The following PPARGC1A variants were observed in gnomAD, a reference collection of about 807,000 sequenced individuals.
The protein encoded by PPARGC1A is PPARG coactivator 1 alpha.
PPARGC1A carries 25 observed loss-of-function variants against 88.7 expected under a neutral mutation model. The observed-to-expected ratio is 0.28, with a 90% CI of 0.21 to 0.39. The LOEUF (loss-of-function observed/expected upper bound fraction) is 0.39. PPARGC1A is among the 10% of genes least tolerant of loss of function. PPARGC1A has a pLI of 1.00. For synonymous variants in PPARGC1A, 363 were observed against 355.6 expected (o/e 1.02, Z -0.24); for missense variants, 880 against 968.7 (o/e 0.91, Z 1.22).
the PPARGC1A span, among the ~76,000 whole-genome samples, chr4:24,120,554 T>C: frequency 1.3e-5 from 2 of 152,190 alleles, no homozygotes; most frequent in Admixed American, 1.3e-4. Flanking sequence ...GTAAGTAACT[T>C]GCAATAGATC....
the PPARGC1A span, among the ~76,000 whole-genome samples, chr4:23,913,918 G>A: frequency 1.3e-5 from 2 of 152,244 alleles, no homozygotes; most frequent in South Asian, 2.1e-4. Flanking sequence ...ACCTCAGGAC[G>A]GTGAAGATGA....
At chr4:23,800,250 A>G (rs1426028055) in intron 12 of PPARGC1A, among the ~76,000 whole-genome samples, 3 of 152,168 alleles carry the variant, frequency 2.0e-5, no homozygotes, top group African/African-American at 4.8e-5. Context: ...TAAATATTAC[A>G]AATAAATTTA....
At chr4:23,974,373 T>C in the PPARGC1A span, among the ~76,000 whole-genome samples, 4 of 152,224 alleles carry the variant, frequency 2.6e-5, no homozygotes, top group East Asian at 5.8e-4. Flanking sequence ...ATTGTACTAA[T>C]TCTTTGCACG....
chr4:24,383,717 T>C, the PPARGC1A span, among the ~76,000 whole-genome samples: 9 of 152,144 alleles, frequency 5.9e-5, no homozygotes, highest in Admixed American at 3.9e-4. Context: ...CCAAGAAATA[T>C]GGGACTATGT....
chr4:24,065,945 C>T, the PPARGC1A span, among the ~76,000 whole-genome samples: 85 of 152,276 alleles, frequency 5.6e-4, no homozygotes, highest in Admixed American at 1.5e-3. Flanking sequence ...TCAGAAGCTC[C>T]GGCAGGCAAC....
chr4:24,186,205 C>A, the PPARGC1A span, among the ~76,000 whole-genome samples: 1 of 151,926 alleles, frequency 6.6e-6, no homozygotes, highest in African/African-American at 2.4e-5. Flanking sequence ...TGACAAAGAG[C>A]AAGAGAGAGA....
At chr4:24,382,622 T>A in the PPARGC1A span, among the ~76,000 whole-genome samples, 1 of 152,226 alleles carries the variant, frequency 6.6e-6, no homozygotes, top group Non-Finnish European at 1.5e-5. Context: ...AATGTAGTTA[T>A]CCATTTGCAA....
the PPARGC1A span, among the ~76,000 whole-genome samples, chr4:24,342,305 G>A: frequency 6.6e-5 from 10 of 152,090 alleles, no homozygotes; most frequent in East Asian, 3.9e-4. Context: ...AGAAGCATAC[G>A]TATATGTGTG....
At chr4:24,190,177 A>T in the PPARGC1A span, among the ~76,000 whole-genome samples, 38 of 152,136 alleles carry the variant, frequency 2.5e-4, 1 homozygote, top group African/African-American at 8.4e-4. Flanking sequence ...GTGGCTCCCA[A>T]CTCCACCCAT....
the PPARGC1A span, among the ~76,000 whole-genome samples, chr4:23,990,923 C>T: frequency 6.6e-6 from 1 of 151,966 alleles, no homozygotes; most frequent in Non-Finnish European, 1.5e-5. Context: ...AAACTGTTCT[C>T]CAAAGCACTG....
At chr4:24,083,906 A>G in the PPARGC1A span, among the ~76,000 whole-genome samples, 1 of 152,194 alleles carries the variant, frequency 6.6e-6, no homozygotes, top group African/African-American at 2.4e-5. Flanking sequence ...GGCCATAGCT[A>G]AGTGTCAATC....
At chr4:23,797,943 C>A (rs992278690) in intron 12 of PPARGC1A, among the ~76,000 whole-genome samples, 1 of 151,974 alleles carries the variant, frequency 6.6e-6, no homozygotes, top group Admixed American at 6.6e-5. Context: ...GATGACATTC[C>A]ACAACGAAAG....
chr4:24,120,848 T>C, the PPARGC1A span, among the ~76,000 whole-genome samples: 1 of 152,192 alleles, frequency 6.6e-6, no homozygotes, highest in Non-Finnish European at 1.5e-5. Flanking sequence ...AATCTTGGAC[T>C]TCCCAGCCTC....
At chr4:24,255,857 T>A in the PPARGC1A span, among the ~76,000 whole-genome samples, 1 of 152,210 alleles carries the variant, frequency 6.6e-6, no homozygotes, top group South Asian at 2.1e-4. Flanking sequence ...TTTGTAGTGA[T>A]AAAATTGGGA....
chr4:24,448,361 G>A, the PPARGC1A span, among the ~76,000 whole-genome samples: 1 of 152,140 alleles, frequency 6.6e-6, no homozygotes, highest in South Asian at 2.1e-4. Flanking sequence ...TTTAGTCCCT[G>A]CCCTACCATC....
chr4:24,244,298 T>C, the PPARGC1A span, among the ~76,000 whole-genome samples: 1 of 152,244 alleles, frequency 6.6e-6, no homozygotes, highest in Non-Finnish European at 1.5e-5. Context: ...CTCTACATGT[T>C]AAAGTTGACA....
chr4:23,794,815 A>G lies in PPARGC1A; in HGVS notation c.*1007T>C, dbSNP rs1377799733. 3 of 152,598 alleles carry G rather than the reference A, an allele frequency of 2.0e-5. No individual in the cohort carries two copies. The highest frequency in any genetic ancestry group is 1.5e-5 in the Non-Finnish European group (1 of 68,020). 9.5% of individuals were successfully genotyped at this position (152,598 alleles called of 1,614,324 possible). A position where few individuals can be genotyped will look rare whatever the true frequency, so the allele number is the denominator to read the frequency against. Reference sequence around the variant, plus strand: ...TCTCAGAGAGTTCTACCCAACTCTCATTAGTAATGTAACCCGGTGTCCGCT... The same window carrying G: ...TCTCAGAGAGTTCTACCCAACTCTCGTTAGTAATGTAACCCGGTGTCCGCT... On this transcript the variant is annotated 3_prime_UTR_variant, in exon 13 of 13. Coordinates refer to ENST00000264867, the MANE Select transcript of PPARGC1A (RefSeq NM_013261.5).
chr4:23,860,059 G>A (rs1465693137), intron 2 of PPARGC1A, among the ~76,000 whole-genome samples: 2 of 151,958 alleles, frequency 1.3e-5, no homozygotes, highest in Admixed American at 1.3e-4. Context: ...ATTGATTGAG[G>A]CCAGGAGTTC....
At chr4:24,318,989 A>G in the PPARGC1A span, among the ~76,000 whole-genome samples, 1 of 152,144 alleles carries the variant, frequency 6.6e-6, no homozygotes, top group Non-Finnish European at 1.5e-5. Context: ...GACCAAAAAG[A>G]GAAACAAACA....
Sources: gnomAD v4.1 joint callset for allele counts (sites outside exome capture counted in the v4.1 genomes callset) on GRCh38, gnomAD v4.1.1 for gene constraint, MANE v1.5 for transcripts, NCBI Gene and HGNC (gene_info 2026-07-23, HGNC 2026-07-21) for gene names.